CCDC73: variants seen among roughly 807,000 people sequenced by gnomAD.
CCDC73 encodes the protein coiled-coil domain-containing protein 73.
CCDC73 carries 95 observed loss-of-function variants against 116.5 expected under a neutral mutation model. The ratio of observed to expected loss-of-function variants is 0.82; its 90% CI spans 0.69 to 0.97. The LOEUF (loss-of-function observed/expected upper bound fraction) is 0.97. Among genes scored for constraint, CCDC73 ranks in the 50% least tolerant of loss-of-function variants. The pLI is 0.00. For synonymous variants in CCDC73, 398 were observed against 401.3 expected, an observed-to-expected ratio of 0.99 and a Z score of 0.10; for missense variants, 1,066 against 1,206.8, an observed-to-expected ratio of 0.88 and a Z score of 1.73.
At chr11:32,655,480 C>T (rs955336289) in intron 9 of CCDC73, among the ~76,000 whole-genome samples, 5 of 152,114 alleles carry the variant, frequency 3.3e-5, no homozygotes, top group African/African-American at 1.2e-4. Context: ...AAGAAGACAA[C>T]AAAGGGGTAG....
chr11:32,647,316 C>T (rs1197124302), intron 12 of CCDC73, among the ~76,000 whole-genome samples: 1 of 152,130 alleles, frequency 6.6e-6, no homozygotes, highest in Non-Finnish European at 1.5e-5. Flanking sequence ...GTGCCACACA[C>T]TTTTAAACAA....
chr11:32,678,148 G>A (rs1377358954), intron 7 of CCDC73, among the ~76,000 whole-genome samples: 7 of 151,648 alleles, frequency 4.6e-5, no homozygotes, highest in Non-Finnish European at 1.0e-4. Flanking sequence ...ATGTGGCAGC[G>A]GGCACCTGTA....
At chr11:32,698,011 ATTTTTTTTTTTT>A (rs869153507) in intron 6 of CCDC73, among the ~76,000 whole-genome samples, 1 of 18,864 alleles carries the variant, frequency 5.3e-5, no homozygotes, top group Non-Finnish European at 1.1e-4. Flanking sequence ...CTAACACTGA[ATTTTTTTTTTTT>A]TTTTTTTTTT....
chr11:32,615,324 CAG>C (rs1229475310), intron 15 of CCDC73, among the ~76,000 whole-genome samples: 6 of 152,100 alleles, frequency 3.9e-5, no homozygotes, highest in African/African-American at 1.4e-4. Context: ...TTTATCCTAA[CAG>C]ATTATGCTGT....
chr11:32,829,802 G>A, the CCDC73 span: 1 of 985,406 alleles, frequency 1.0e-6, no homozygotes, highest in East Asian at 1.1e-4. Flanking sequence ...AGCTGGGGCG[G>A]CTGAGAGCGC....
chr11:32,647,266 C>T (rs914967311), intron 12 of CCDC73, among the ~76,000 whole-genome samples: 1 of 152,162 alleles, frequency 6.6e-6, no homozygotes, highest in Non-Finnish European at 1.5e-5. Context: ...GGAGCTTGCA[C>T]ATCACATGGT....
At chr11:32,611,054 C>A in intron 17 of CCDC73, 78 bp downstream of exon 17, 1 of 1,390,182 alleles carries the variant, frequency 7.2e-7, no homozygotes, top group Non-Finnish European at 9.8e-7. Flanking sequence ...CTTAAAGCAT[C>A]CAGATGCGTA....
chr11:32,648,294 G>C (rs1057020418), intron 12 of CCDC73, among the ~76,000 whole-genome samples: 5 of 152,094 alleles, frequency 3.3e-5, no homozygotes, highest in African/African-American at 1.2e-4. Flanking sequence ...TACTATTACT[G>C]TTTCCTCCCC....
intron 3 of CCDC73, among the ~76,000 whole-genome samples, chr11:32,717,433 T>A (rs1031505185): frequency 1.3e-5 from 2 of 152,198 alleles, no homozygotes; most frequent in African/African-American, 4.8e-5. Context: ...CACTCCCCTA[T>A]AACACACAAT....
chr11:32,678,291 G>C (rs542803750), intron 7 of CCDC73, among the ~76,000 whole-genome samples: 33 of 151,870 alleles, frequency 2.2e-4, no homozygotes, highest in Non-Finnish European at 3.8e-4. Flanking sequence ...AATAAAAAAA[G>C]AAAAGAAAAA....
the CCDC73 span, among the ~76,000 whole-genome samples, chr11:32,804,974 T>C: frequency 6.6e-6 from 1 of 152,214 alleles, no homozygotes. Context: ...TTTCCCTGAC[T>C]CAAACTGCAG....
chr11:32,807,819 G>A, the CCDC73 span, among the ~76,000 whole-genome samples: 1 of 152,112 alleles, frequency 6.6e-6, no homozygotes, highest in Non-Finnish European at 1.5e-5. Flanking sequence ...GAATGGATGT[G>A]GCTGTATTAC....
In CCDC73 at chr11:32,673,203, A is replaced by G. The variant is rs1358950862; in HGVS notation, c.645+2362T>C. On this transcript the variant is annotated intron_variant, in intron 9 of 17. Transcript: ENST00000335185. ...ATCATATGTCATTAGGGAATTGCAA[A>G]TCAAAACAAGATACCACTACACACC... is the stretch of plus-strand genomic sequence containing the variant. Among the ~76,000 whole-genome samples the G allele has an allele frequency of 2.6e-5, 4 of 152,204 alleles. No homozygotes were observed. In the East Asian group the frequency reaches 7.7e-4, roughly 29 times the overall value.
At chr11:32,710,499 G>C (rs1849889691) in intron 3 of CCDC73, among the ~76,000 whole-genome samples, 2 of 152,114 alleles carry the variant, frequency 1.3e-5, no homozygotes, top group South Asian at 4.1e-4. Context: ...GGTTTTGAGG[G>C]TTCCTTTTGG....
upstream of CCDC73, among the ~76,000 whole-genome samples, chr11:32,799,113 ACAGAGTTTCACTCTGTC>A (rs1850751049): frequency 4.3e-5 from 6 of 140,910 alleles, no homozygotes; most frequent in African/African-American, 1.6e-4. Flanking sequence ...TTTTTTTGAG[ACAGAGTTTCACTCTGTC>A]ACCCAGGCTG....
intron 2 of CCDC73, among the ~76,000 whole-genome samples, chr11:32,728,291 C>T (rs2133342071): frequency 6.6e-6 from 1 of 152,120 alleles, no homozygotes; most frequent in Admixed American, 6.5e-5. Flanking sequence ...TCCTCTCTCC[C>T]CAATTTATCT....
intron 2 of CCDC73, among the ~76,000 whole-genome samples, chr11:32,724,163 T>C (rs1448904519): frequency 1.3e-5 from 2 of 152,100 alleles, no homozygotes; most frequent in Admixed American, 1.3e-4. Context: ...CTTAATGTTA[T>C]TTACCACATA....
At chr11:32,747,230 C>T (rs1202988188) in intron 2 of CCDC73, among the ~76,000 whole-genome samples, 1 of 152,134 alleles carries the variant, frequency 6.6e-6, no homozygotes, top group South Asian at 2.1e-4. Context: ...CACTCCAGAC[C>T]CTGTTTGCCT....
intron 2 of CCDC73, among the ~76,000 whole-genome samples, chr11:32,755,562 T>C (rs905004375): frequency 7.7e-6 from 1 of 129,624 alleles, no homozygotes; most frequent in African/African-American, 2.9e-5. Flanking sequence ...TATATATATA[T>C]GTACATATAT....
Sources: allele counts gnomAD v4.1 joint callset (sites outside exome capture counted in the v4.1 genomes callset), GRCh38; gene constraint gnomAD v4.1.1; transcripts MANE v1.5; gene names NCBI Gene and HGNC (gene_info 2026-07-23, HGNC 2026-07-21).